Variants in CACNA2D3 observed in about 807,000 individuals in gnomAD.
CACNA2D3 encodes the protein voltage-dependent calcium channel subunit alpha-2/delta-3.
In CACNA2D3, 60 loss-of-function variants were observed where a neutral mutation model predicts 160.6. The observed-to-expected ratio is 0.37, with a 90% CI of 0.30 to 0.46. The LOEUF (loss-of-function observed/expected upper bound fraction) is 0.46. CACNA2D3 is among the 20% of genes least tolerant of loss of function. The probability of loss-of-function intolerance (pLI) is 1.00; values close to 1 mark genes in which losing one functional copy is unlikely to be tolerated. For missense variants in CACNA2D3, 1,205 were observed against 1,365.0 expected, an observed-to-expected ratio of 0.88 and a Z score of 1.85; for synonymous variants, 558 against 492.9, an observed-to-expected ratio of 1.13 and a Z score of -1.75.
intron 27 of CACNA2D3, among the ~76,000 whole-genome samples, chr3:54,946,007 C>G (rs1701605357): frequency 6.6e-6 from 1 of 152,212 alleles, no homozygotes; most frequent in Non-Finnish European, 1.5e-5. Flanking sequence ...TCTTTCCAAA[C>G]AGCAGGAAAA....
intron 12 of CACNA2D3, among the ~76,000 whole-genome samples, chr3:54,761,401 A>G (rs1409827457): frequency 6.6e-6 from 1 of 152,214 alleles, no homozygotes; most frequent in Non-Finnish European, 1.5e-5. Flanking sequence ...AGAGCCCAAG[A>G]TTTGCCTACT....
At chr3:54,216,341 G>A (rs1241707992) in intron 2 of CACNA2D3, among the ~76,000 whole-genome samples, 2 of 152,204 alleles carry the variant, frequency 1.3e-5, no homozygotes, top group Non-Finnish European at 1.5e-5. Flanking sequence ...GTTTAAAAGT[G>A]CGTGTTTTGA....
At chr3:54,391,485 G>A (rs1023331346) in intron 4 of CACNA2D3, among the ~76,000 whole-genome samples, 2 of 151,740 alleles carry the variant, frequency 1.3e-5, no homozygotes, top group Non-Finnish European at 2.9e-5. Context: ...CTTCATTGGC[G>A]GGGTGGCTTT....
intron 5 of CACNA2D3, among the ~76,000 whole-genome samples, chr3:54,554,868 C>CT (rs1248489904): frequency 6.8e-5 from 6 of 88,172 alleles, no homozygotes; most frequent in Admixed American, 3.1e-4. Context: ...CTCTCTCACT[C>CT]TCTTTTTTTT....
chr3:54,162,038 T>TAAAC (rs1215447469), intron 2 of CACNA2D3, among the ~76,000 whole-genome samples: 1 of 152,122 alleles, frequency 6.6e-6, no homozygotes, highest in Non-Finnish European at 1.5e-5. Flanking sequence ...CCCCAGAACT[T>TAAAC]GTTTGAGACA....
chr3:54,148,063 C>T (rs1037734207), intron 2 of CACNA2D3, among the ~76,000 whole-genome samples: 11 of 152,228 alleles, frequency 7.2e-5, no homozygotes, highest in African/African-American at 2.4e-4. Flanking sequence ...TCCCAAAGTG[C>T]TGGGATTACA....
At chr3:54,296,984 C>T (rs1407735961) in intron 2 of CACNA2D3, among the ~76,000 whole-genome samples, 1 of 152,170 alleles carries the variant, frequency 6.6e-6, no homozygotes, top group African/African-American at 2.4e-5. Context: ...GGGAATACCT[C>T]CTCCACTTCC....
chr3:55,060,977 C>G (rs1704493157), intron 35 of CACNA2D3, among the ~76,000 whole-genome samples: 1 of 152,160 alleles, frequency 6.6e-6, no homozygotes, highest in South Asian at 2.1e-4. Context: ...TGCCAAAGAA[C>G]CTCCTGTCCA....
intron 6 of CACNA2D3, among the ~76,000 whole-genome samples, 160 bp downstream of exon 6, chr3:54,563,091 A>G (rs1432790306): frequency 1.3e-5 from 2 of 152,156 alleles, no homozygotes; most frequent in African/African-American, 4.8e-5. Context: ...AGGAATGGCA[A>G]GGTGGCATCC....
intron 5 of CACNA2D3, among the ~76,000 whole-genome samples, chr3:54,529,354 A>G (rs1373432083): frequency 6.6e-6 from 1 of 152,062 alleles, no homozygotes; most frequent in Non-Finnish European, 1.5e-5. Context: ...TGTACCTGTC[A>G]CCCACAGCCT....
chr3:54,880,868 G>GAT lies in CACNA2D3; in HGVS notation c.1912+7_1912+8dup, dbSNP rs760744066. 18 of 1,612,964 alleles carry GAT rather than the reference G, an allele frequency of 1.1e-5. No homozygotes were observed. The highest frequency in any genetic ancestry group is 1.3e-5 in the Non-Finnish European group (15 of 1,178,986). On this transcript the variant is annotated splice_donor_region_variant and intron_variant, in intron 21 of 37. Transcript: ENST00000474759. ...GGAATGTAACCATCGAAGAAGGTAA[G>GAT]ATACTGCCTGGCTCGTCTTATCCTT... is the stretch of plus-strand genomic sequence containing the variant.
intron 9 of CACNA2D3, among the ~76,000 whole-genome samples, chr3:54,598,812 G>A (rs1703009456): frequency 6.6e-6 from 1 of 152,124 alleles, no homozygotes; most frequent in Admixed American, 6.5e-5. Context: ...CGTGTCCTTG[G>A]CCATTGGTCA....
intron 24 of CACNA2D3, among the ~76,000 whole-genome samples, chr3:54,890,132 A>G (rs181374005): frequency 2.4e-4 from 36 of 152,340 alleles, no homozygotes; most frequent in Non-Finnish European, 3.8e-4. Context: ...TCAAATTACT[A>G]GTAGCATTTA....
chr3:54,966,966 A>G (rs973624640), intron 27 of CACNA2D3: 1 of 152,250 alleles, frequency 6.6e-6, no homozygotes, highest in Non-Finnish European at 1.5e-5. Flanking sequence ...TGCTGGAGGC[A>G]GGGGTCCAGC....
At chr3:54,704,461 T>TA (rs56309572) in intron 11 of CACNA2D3, among the ~76,000 whole-genome samples, 36,937 of 152,044 alleles carry the variant, frequency 0.24, 4,816 homozygotes, top group Non-Finnish European at 0.27. Flanking sequence ...CTCTTTTTTT[T>TA]AATACCTGGC....
At chr3:54,187,232 G>C (rs2107330757) in intron 2 of CACNA2D3, among the ~76,000 whole-genome samples, 1 of 152,210 alleles carries the variant, frequency 6.6e-6, no homozygotes, top group East Asian at 1.9e-4. Context: ...GTGTCTGGAG[G>C]GATTGATAGG....
chr3:54,820,326 C>T (rs999409138), intron 14 of CACNA2D3, among the ~76,000 whole-genome samples: 23 of 152,164 alleles, frequency 1.5e-4, no homozygotes, highest in African/African-American at 5.3e-4. Flanking sequence ...TTATGTGTAG[C>T]AGCCATTAAT....
chr3:54,462,221 T>G (rs575834510), intron 4 of CACNA2D3, among the ~76,000 whole-genome samples: 1 of 152,168 alleles, frequency 6.6e-6, no homozygotes, highest in Non-Finnish European at 1.5e-5. Context: ...TTGGAATAGG[T>G]GTGGTGTGGT....
chr3:54,430,405 C>G (rs1394383467), intron 4 of CACNA2D3, among the ~76,000 whole-genome samples: 1 of 152,196 alleles, frequency 6.6e-6, no homozygotes, highest in Non-Finnish European at 1.5e-5. Context: ...TCAGAATTCT[C>G]TATGCGGATA....
Sources: allele counts gnomAD v4.1 joint callset (sites outside exome capture counted in the v4.1 genomes callset), GRCh38; gene constraint gnomAD v4.1.1; transcripts MANE v1.5; gene names NCBI Gene and HGNC (gene_info 2026-07-23, HGNC 2026-07-21).